EFHB: variants seen among roughly 807,000 people sequenced by gnomAD.
The protein encoded by EFHB is EF-hand domain-containing family member B.
In EFHB, 91 loss-of-function variants were observed where a neutral mutation model predicts 87.2. The observed-to-expected ratio is 1.04, with a 90% CI of 0.88 to 1.24. EFHB has a LOEUF of 1.24. EFHB is among the 50% of genes most tolerant of loss of function. The pLI, the probability that EFHB is intolerant of heterozygous loss-of-function variation, is 0.00. For missense variants in EFHB, 1,084 were observed against 998.8 expected (o/e 1.09, Z -1.15); for synonymous variants, 325 against 333.6 (o/e 0.97, Z 0.28).
At chr3:19,904,360 T>A (rs898798996) in intron 6 of EFHB, among the ~76,000 whole-genome samples, 8 of 152,154 alleles carry the variant, frequency 5.3e-5, no homozygotes, top group African/African-American at 1.9e-4. Context: ...GGAGAATTCA[T>A]TTCTTGCTTT....
chr3:19,909,487 G>C (rs969807093), intron 5 of EFHB, among the ~76,000 whole-genome samples: 3 of 152,168 alleles, frequency 2.0e-5, no homozygotes, highest in African/African-American at 7.2e-5. Context: ...GGCAGTCTAG[G>C]CCATAAGGAC....
At chr3:19,916,408 G>A (rs893099846) in intron 4 of EFHB, among the ~76,000 whole-genome samples, 3 of 151,898 alleles carry the variant, frequency 2.0e-5, no homozygotes, top group East Asian at 1.9e-4. Context: ...CCAGCTACTC[G>A]GGGGGCTGAG....
chr3:19,914,323 AG>A (rs1695155519), intron 5 of EFHB, among the ~76,000 whole-genome samples: 1 of 152,184 alleles, frequency 6.6e-6, no homozygotes, highest in Non-Finnish European at 1.5e-5. Flanking sequence ...CACAAGACTG[AG>A]TTTATAAACC....
At chr3:19,928,338 G>A (rs1011894077) in intron 1 of EFHB, among the ~76,000 whole-genome samples, 2 of 152,170 alleles carry the variant, frequency 1.3e-5, no homozygotes, top group African/African-American at 2.4e-5. Flanking sequence ...TTAGCAAACT[G>A]GAAATGGATA....
intron 9 of EFHB, among the ~76,000 whole-genome samples, chr3:19,893,223 G>T (rs556264193): frequency 2.4e-4 from 36 of 152,164 alleles, no homozygotes; most frequent in Non-Finnish European, 3.7e-4. Context: ...TTACAGGCAT[G>T]AGCCACCATG....
Position 19,895,154 on chromosome 3 carries a change from C to T in EFHB, c.1725+1533G>A, listed in dbSNP as rs780289960. Among the ~76,000 whole-genome samples the T allele has an allele frequency of 2.0e-5, 3 of 150,100 alleles. No homozygotes were observed. The East Asian group carries it at 5.9e-4, about 29-fold the overall frequency. On this transcript the variant is annotated intron_variant, in intron 9 of 12. Transcript: ENST00000295824. Reference sequence around the variant, plus strand: ...TAAGGCATATCAGCATTAAATAATTCTCAGTAATTTCCTCCCTGCTTAATT... The same window carrying T: ...TAAGGCATATCAGCATTAAATAATTTTCAGTAATTTCCTCCCTGCTTAATT...
intron 6 of EFHB, among the ~76,000 whole-genome samples, chr3:19,901,240 G>A (rs1170300946): frequency 6.6e-6 from 1 of 152,132 alleles, no homozygotes; most frequent in African/African-American, 2.4e-5. Flanking sequence ...AAGTGAACAG[G>A]ATTATGAGCG....
intron 5 of EFHB, among the ~76,000 whole-genome samples, chr3:19,914,097 C>A (rs936472603): frequency 2.0e-5 from 3 of 152,172 alleles, no homozygotes; most frequent in African/African-American, 7.2e-5. Context: ...ACACGCACCA[C>A]CATGCCTGAC....
In EFHB at chr3:19,919,985, A is replaced by C; in HGVS notation, c.853-9T>G. On this transcript the variant is annotated splice_polypyrimidine_tract_variant and intron_variant, in intron 2 of 12. Transcript: ENST00000295824. Reference sequence around the variant, plus strand: ...TCAGGTGGAGTAATTAGCTACAAAGAGTGAGGCAAGAAAATAGTATTAAGT... The same window carrying C: ...TCAGGTGGAGTAATTAGCTACAAAGCGTGAGGCAAGAAAATAGTATTAAGT... 6.2e-7 allele frequency: 1 copy of C among 1,613,498 alleles called. No individual in the cohort carries two copies. Among genetic ancestry groups the C allele is most frequent in the Non-Finnish European group, 8.5e-7 (1 of 1,179,640 alleles).
At chr3:19,884,311 C>T in intron 11 of EFHB, 92 bp downstream of exon 11, 1 of 1,229,838 alleles carries the variant, frequency 8.1e-7, no homozygotes, top group Non-Finnish European at 1.1e-6. Flanking sequence ...CTTTGGGAAA[C>T]TTAATCTAAC....
At position 19,919,874 on chromosome 3, in the gene EFHB, G is replaced by C; in HGVS notation, c.955C>G (p.Pro319Ala). 1 of 1,613,536 alleles carries C rather than the reference G, an allele frequency of 6.2e-7. No homozygotes were observed. The change falls in exon 3 of 13, where the codon CCT becomes GCT. Residue 319 changes from proline to alanine, a missense_variant. Pro to Ala is a conservative substitution (Grantham distance 27). Transcript: ENST00000295824. ...GATCTAATTCCATGTGTCAAATAAG[G>C]TGCAATCTGGGGATCATTTGCTCTT... ...YGRANDPQIA[P>A]YLTHGIRSKI...
intron 3 of EFHB, among the ~76,000 whole-genome samples, chr3:19,918,785 G>A (rs1339973554): frequency 6.7e-6 from 1 of 149,760 alleles, no homozygotes. Context: ...GACCAGCCTG[G>A]CCAACATGGT....
chr3:19,916,681 C>T (rs746255674), intron 4 of EFHB, among the ~76,000 whole-genome samples: 1 of 152,030 alleles, frequency 6.6e-6, no homozygotes, highest in Non-Finnish European at 1.5e-5. Context: ...ACTAGTGGTA[C>T]CCAGTTTTGT....
At chr3:19,920,649 C>A in intron 1 of EFHB, 82 bp from the exon 2 acceptor site, 1 of 1,140,050 alleles carries the variant, frequency 8.8e-7, no homozygotes, top group South Asian at 1.5e-5. Context: ...CAAACTTGTC[C>A]TATGCCTCTG....
At chr3:19,918,475 C>T (rs1389369558) in intron 3 of EFHB, 63 bp from the exon 4 acceptor site, 7 of 1,428,524 alleles carry the variant, frequency 4.9e-6, no homozygotes, top group Non-Finnish European at 6.6e-6. Context: ...AAAATAGAAA[C>T]CCTAATCAAT....
intron 10 of EFHB, among the ~76,000 whole-genome samples, chr3:19,887,073 C>G (rs1694126566): frequency 6.6e-6 from 1 of 152,166 alleles, no homozygotes; most frequent in African/African-American, 2.4e-5. Context: ...AAAAGCATTT[C>G]TTCATTCCTT....
At chr3:19,899,385 A>G (rs2931385) in intron 7 of EFHB, 47 bp downstream of exon 7, 565,093 of 1,382,722 alleles carry the variant, frequency 0.41, 118,794 homozygotes, top group African/African-American at 0.51. Context: ...GTATTTTTTA[A>G]ATTCTATGCA....
chr3:19,924,243 G>A (rs1201084589), intron 1 of EFHB, among the ~76,000 whole-genome samples: 12 of 143,156 alleles, frequency 8.4e-5, no homozygotes, highest in African/African-American at 2.6e-4. Context: ...AGACAGAGTC[G>A]TCCTCTGTTG....
chr3:19,920,082 A>T, intron 2 of EFHB, 106 bp from the exon 3 acceptor site: 2 of 1,202,932 alleles, frequency 1.7e-6, no homozygotes, highest in Non-Finnish European at 2.3e-6. Context: ...TGTATGTAGT[A>T]AATGCATTTG....
Sources: gnomAD v4.1 joint callset for allele counts (sites outside exome capture counted in the v4.1 genomes callset) on GRCh38, gnomAD v4.1.1 for gene constraint, MANE v1.5 for transcripts, NCBI Gene and HGNC (gene_info 2026-07-23, HGNC 2026-07-21) for gene names.